TNR: variants seen among roughly 807,000 people sequenced by gnomAD.
TNR encodes the protein tenascin-R.
In TNR, 45 loss-of-function variants were observed where a neutral mutation model predicts 150.4. The ratio of observed to expected loss-of-function variants is 0.30; its 90% CI spans 0.24 to 0.38. TNR has a LOEUF of 0.38. Among genes scored for constraint, TNR ranks in the 10% least tolerant of loss-of-function variants. The probability of loss-of-function intolerance (pLI) is 1.00; values close to 1 mark genes in which losing one functional copy is unlikely to be tolerated. For synonymous variants in TNR, 687 were observed against 678.4 expected (o/e 1.01, Z -0.20); for missense variants, 1,544 against 1,759.1 (o/e 0.88, Z 2.19).
At chr1:175,650,773 G>C (rs796712266) in intron 1 of TNR, among the ~76,000 whole-genome samples, 16 of 3,782 alleles carry the variant, frequency 4.2e-3, no homozygotes, top group South Asian at 0.015. Context: ...CCTCCTCCCC[G>C]ACCTCATTAC....
rs1487267246 is a variant in TNR, at chr1:175,328,444, G to A, written c.3793+1630C>T. On this transcript the variant is annotated intron_variant, in intron 21 of 22. Transcript: ENST00000367674. ...TTCAGAAGGCCACTACTAAAGATAA[G>A]GTCCAGGAGAACTGGGCAATATTAA... Among the ~76,000 whole-genome samples the A allele has an allele frequency of 2.0e-5, 3 of 152,308 alleles. No individual in the cohort carries two copies. The East Asian group carries it at 5.8e-4, about 29-fold the overall frequency.
At chr1:175,571,772 C>G (rs1436387108) in intron 1 of TNR, among the ~76,000 whole-genome samples, 1 of 152,184 alleles carries the variant, frequency 6.6e-6, no homozygotes, top group African/African-American at 2.4e-5. Flanking sequence ...CAGATTCATA[C>G]TTGGGTTGAA....
At chr1:175,332,102 G>A (rs973770984) in intron 20 of TNR, among the ~76,000 whole-genome samples, 1 of 152,196 alleles carries the variant, frequency 6.6e-6, no homozygotes, top group African/African-American at 2.4e-5. Flanking sequence ...ACAAGTGTTG[G>A]CTGTTAGCAA....
intron 2 of TNR, among the ~76,000 whole-genome samples, chr1:175,472,756 G>A (rs950485226): frequency 3.3e-5 from 5 of 152,200 alleles, no homozygotes; most frequent in Admixed American, 6.5e-5. Context: ...TCGGAGGAAG[G>A]AGGGTATGTA....
chr1:175,412,054 G>A (rs1468991740), intron 2 of TNR, among the ~76,000 whole-genome samples: 2 of 152,186 alleles, frequency 1.3e-5, no homozygotes, highest in East Asian at 1.9e-4. Context: ...AACCAGCAGG[G>A]CCCTATGGTG....
At chr1:175,447,320 T>C (rs556038951) in intron 2 of TNR, among the ~76,000 whole-genome samples, 2 of 152,324 alleles carry the variant, frequency 1.3e-5, no homozygotes, top group Admixed American at 6.5e-5. Flanking sequence ...CCTGCTTCTC[T>C]GAAGGTTTTC....
intron 1 of TNR, among the ~76,000 whole-genome samples, chr1:175,634,750 T>C (rs1014209225): frequency 6.6e-6 from 1 of 152,162 alleles, no homozygotes; most frequent in African/African-American, 2.4e-5. Flanking sequence ...CTCACAGAAC[T>C]CCTGTAGCAC....
At chr1:175,335,882 CTG>C in intron 19 of TNR, 75 bp from the exon 20 acceptor site, 2 of 1,322,098 alleles carry the variant, frequency 1.5e-6, no homozygotes, top group Non-Finnish European at 2.1e-6. Context: ...GGAAAATAAA[CTG>C]TGATAAGTAA....
chr1:175,727,783 A>G (rs536714226), intron 1 of TNR, among the ~76,000 whole-genome samples: 1 of 152,164 alleles, frequency 6.6e-6, no homozygotes, highest in Non-Finnish European at 1.5e-5. Context: ...CACAGGGACA[A>G]CAAGAGGTAT....
intron 20 of TNR, chr1:175,333,574 A>G (rs1312997451): frequency 6.6e-6 from 1 of 152,216 alleles, no homozygotes; most frequent in Non-Finnish European, 1.5e-5. Context: ...CATTCCATTA[A>G]TTCTTATCAT....
chr1:175,564,219 C>T (rs1193708981), intron 1 of TNR, among the ~76,000 whole-genome samples: 1 of 152,200 alleles, frequency 6.6e-6, no homozygotes, highest in Non-Finnish European at 1.5e-5. Flanking sequence ...CCTGTGTCTT[C>T]CCTGCCAGAG....
At chr1:175,377,309 G>C (rs144304386) in intron 9 of TNR, among the ~76,000 whole-genome samples, 11 of 152,216 alleles carry the variant, frequency 7.2e-5, no homozygotes, top group African/African-American at 1.9e-4. Context: ...AGGACGTGGG[G>C]TTTTCTATCT....
At chr1:175,575,755 A>AC (rs1488345140) in intron 1 of TNR, among the ~76,000 whole-genome samples, 1 of 152,196 alleles carries the variant, frequency 6.6e-6, no homozygotes, top group Non-Finnish European at 1.5e-5. Flanking sequence ...ACCACAGTGC[A>AC]CCGGGGGACT....
In TNR at chr1:175,428,478, C is replaced by T. The variant is rs191110351; in HGVS notation, c.-63-21701G>A. Among the ~76,000 whole-genome samples, 18 of 152,212 alleles carry T rather than the reference C, an allele frequency of 1.2e-4. No individual in the cohort carries two copies. In the East Asian group the frequency reaches 3.1e-3, roughly 26 times the overall value. On this transcript the variant is annotated intron_variant, in intron 2 of 22. Transcript: ENST00000367674. ...CATAAGCCTTCAAAATTAAAACTTG[C>T]TTAAAAATACATCATCTAATTCAAT...
intron 7 of TNR, among the ~76,000 whole-genome samples, chr1:175,387,101 G>A (rs1652976205): frequency 1.3e-5 from 2 of 152,358 alleles, no homozygotes; most frequent in African/African-American, 4.8e-5. Flanking sequence ...ATTTCCTGCA[G>A]GGCCCACCAG....
intron 1 of TNR, among the ~76,000 whole-genome samples, chr1:175,536,309 C>T: frequency 6.6e-6 from 1 of 152,064 alleles, no homozygotes. Context: ...ATGGACCAAG[C>T]CATTAAAAAG....
chr1:175,585,546 A>G (rs781624729), intron 1 of TNR, among the ~76,000 whole-genome samples: 1 of 152,224 alleles, frequency 6.6e-6, no homozygotes, highest in Non-Finnish European at 1.5e-5. Context: ...CTTAAGTCTC[A>G]GAGCTGGGAT....
intron 2 of TNR, among the ~76,000 whole-genome samples, chr1:175,407,730 C>T (rs565838551): frequency 6.6e-6 from 1 of 152,228 alleles, no homozygotes; most frequent in East Asian, 1.9e-4. Flanking sequence ...GTGCTGTGCC[C>T]CTCACACAGG....
At chr1:175,492,918 A>T (rs1658322164) in intron 2 of TNR, among the ~76,000 whole-genome samples, 1 of 152,180 alleles carries the variant, frequency 6.6e-6, no homozygotes, top group African/African-American at 2.4e-5. Flanking sequence ...TAATCCTGAT[A>T]GACTTCTTGT....
Sources: allele counts gnomAD v4.1 joint callset (sites outside exome capture counted in the v4.1 genomes callset), GRCh38; gene constraint gnomAD v4.1.1; transcripts MANE v1.5; gene names NCBI Gene and HGNC (gene_info 2026-07-23, HGNC 2026-07-21).